ARB2A: variants seen among roughly 807,000 people sequenced by gnomAD.
The protein encoded by ARB2A is cotranscriptional regulator ARB2A.
the ARB2A span, among the ~76,000 whole-genome samples, chr5:93,990,243 T>C: frequency 6.6e-6 from 1 of 152,134 alleles, no homozygotes; most frequent in African/African-American, 2.4e-5. Flanking sequence ...GCCTTTGCTA[T>C]GCCATCTGAA....
At chr5:93,776,406 A>G in the ARB2A span, among the ~76,000 whole-genome samples, 2 of 152,224 alleles carry the variant, frequency 1.3e-5, no homozygotes, top group African/African-American at 4.8e-5. Flanking sequence ...GTAATTATTC[A>G]TAATTAACAT....
At chr5:93,789,386 TA>T in the ARB2A span, among the ~76,000 whole-genome samples, 172 of 152,036 alleles carry the variant, frequency 1.1e-3, no homozygotes, top group Non-Finnish European at 1.9e-3. Flanking sequence ...GAGATGCCTT[TA>T]AAAAAAATAC....
chr5:93,627,229 A>G, the ARB2A span, among the ~76,000 whole-genome samples: 5 of 152,154 alleles, frequency 3.3e-5, no homozygotes, highest in Non-Finnish European at 7.3e-5. Flanking sequence ...CTGAATCTTG[A>G]ATCCCTCAAA....
the ARB2A span, among the ~76,000 whole-genome samples, chr5:94,031,353 C>G: frequency 4.6e-5 from 7 of 152,134 alleles, no homozygotes; most frequent in African/African-American, 1.7e-4. Flanking sequence ...GAATATCTTA[C>G]TAAGAACTGA....
At chr5:93,771,790 A>C in the ARB2A span, among the ~76,000 whole-genome samples, 4 of 152,234 alleles carry the variant, frequency 2.6e-5, no homozygotes, top group Admixed American at 2.6e-4. Context: ...GGCAATCATT[A>C]AAAAGTCAGG....
the ARB2A span, among the ~76,000 whole-genome samples, chr5:93,776,957 A>G: frequency 6.6e-6 from 1 of 152,160 alleles, no homozygotes; most frequent in Non-Finnish European, 1.5e-5. Context: ...TGAATATTCA[A>G]GAAAGAATAG....
the ARB2A span, among the ~76,000 whole-genome samples, chr5:93,869,640 G>A: frequency 6.6e-6 from 1 of 152,138 alleles, no homozygotes; most frequent in African/African-American, 2.4e-5. Flanking sequence ...AGTGAAAATA[G>A]CCTTAAATGA....
At chr5:93,871,324 T>C in the ARB2A span, among the ~76,000 whole-genome samples, 1 of 152,218 alleles carries the variant, frequency 6.6e-6, no homozygotes, top group African/African-American at 2.4e-5. Flanking sequence ...CAATGTATGA[T>C]GTTACAAAAT....
At chr5:94,013,539 T>C in the ARB2A span, among the ~76,000 whole-genome samples, 1 of 152,138 alleles carries the variant, frequency 6.6e-6, no homozygotes, top group Non-Finnish European at 1.5e-5. Flanking sequence ...ACTGGTTTCT[T>C]TAACTCTTTG....
the ARB2A span, among the ~76,000 whole-genome samples, chr5:93,756,380 G>T: frequency 6.6e-6 from 1 of 152,188 alleles, no homozygotes; most frequent in Non-Finnish European, 1.5e-5. Flanking sequence ...TACAGCTGAT[G>T]TTCTCTGGAA....
At chr5:94,076,561 C>T in the ARB2A span, among the ~76,000 whole-genome samples, 2 of 152,158 alleles carry the variant, frequency 1.3e-5, no homozygotes, top group Non-Finnish European at 2.9e-5. Flanking sequence ...ATACATCAGA[C>T]CTAGACTGAT....
At chr5:94,063,516 CCACTATAGGCA>C in the ARB2A span, among the ~76,000 whole-genome samples, 1 of 152,152 alleles carries the variant, frequency 6.6e-6, no homozygotes, top group African/African-American at 2.4e-5. Flanking sequence ...CCCACTGGTG[CCACTATAGGCA>C]CACAAGTAAG....
the ARB2A span, among the ~76,000 whole-genome samples, chr5:93,661,647 C>G: frequency 9.2e-5 from 6 of 65,232 alleles, no homozygotes; most frequent in African/African-American, 1.2e-4. Context: ...CTAATGGTAG[C>G]TGATCAGCTA....
the ARB2A span, chr5:93,618,694 C>T: frequency 6.6e-6 from 1 of 152,178 alleles, no homozygotes; most frequent in Admixed American, 6.5e-5. Context: ...CTCTGGGCTG[C>T]TACAGCTCAG....
the ARB2A span, among the ~76,000 whole-genome samples, chr5:94,078,296 G>A: frequency 6.6e-6 from 1 of 152,148 alleles, no homozygotes; most frequent in African/African-American, 2.4e-5. Context: ...AAGATTCTAT[G>A]CTCACTAAGT....
At chr5:93,817,924 A>G in the ARB2A span, among the ~76,000 whole-genome samples, 3 of 152,134 alleles carry the variant, frequency 2.0e-5, no homozygotes, top group Admixed American at 2.0e-4. Context: ...AGAGAATGGG[A>G]GAAAATTTTC....
chr5:93,993,063 C>T, the ARB2A span, among the ~76,000 whole-genome samples: 954 of 151,882 alleles, frequency 6.3e-3, 9 homozygotes, highest in South Asian at 0.014. Flanking sequence ...TGAACACATG[C>T]GAAGGAGATT....
chr5:93,785,112 T>C, the ARB2A span, among the ~76,000 whole-genome samples: 12 of 152,324 alleles, frequency 7.9e-5, no homozygotes, highest in East Asian at 5.8e-4. Flanking sequence ...TAGAATGCTA[T>C]TTCTACAAAA....
chr5:93,737,223 A>C, the ARB2A span: 1 of 145,670 alleles, frequency 6.9e-6, no homozygotes, highest in African/African-American at 2.6e-5. Flanking sequence ...ATGCCCACAA[A>C]TAACTTTAAG....
Sources: allele counts gnomAD v4.1 joint callset (sites outside exome capture counted in the v4.1 genomes callset), GRCh38; gene constraint gnomAD v4.1.1; transcripts MANE v1.5; gene names NCBI Gene and HGNC (gene_info 2026-07-23, HGNC 2026-07-21).